The following FOXP2 variants were observed in gnomAD, a reference collection of about 807,000 sequenced individuals.
FOXP2 encodes forkhead box P2.
In FOXP2, 12 loss-of-function variants were observed where a neutral mutation model predicts 115.8. The observed-to-expected ratio is 0.10, with a 90% CI of 0.07 to 0.17. FOXP2 has a LOEUF of 0.17. Ranked by LOEUF, FOXP2 falls within the 10% of genes least tolerant of loss-of-function variation. FOXP2 has a pLI of 1.00. For missense variants in FOXP2, 629 were observed against 843.5 expected (o/e 0.75, Z 3.15); for synonymous variants, 328 against 297.7 (o/e 1.10, Z -1.05).
At chr7:114,537,222 A>G (rs1305006958) in intron 3 of FOXP2, among the ~76,000 whole-genome samples, 1 of 151,548 alleles carries the variant, frequency 6.6e-6, no homozygotes, top group Non-Finnish European at 1.5e-5. Context: ...GTTTAACCAA[A>G]CATTCATAAT....
At chr7:114,333,045 C>T (rs567844751) in intron 2 of FOXP2, among the ~76,000 whole-genome samples, 20 of 151,178 alleles carry the variant, frequency 1.3e-4, no homozygotes, top group African/African-American at 4.4e-4. Flanking sequence ...TACCACAAAA[C>T]GAAACAGTCT....
chr7:114,300,164 CTTA>C (rs1796844832), intron 2 of FOXP2, among the ~76,000 whole-genome samples: 1 of 151,928 alleles, frequency 6.6e-6, no homozygotes, highest in South Asian at 2.1e-4. Flanking sequence ...TTCTCTGGTT[CTTA>C]TTGTTATACT....
Position 114,642,520 on chromosome 7 carries a change from T to A in FOXP2, c.886T>A (p.Ser296Thr), listed in dbSNP as rs766956626. Reference protein sequence around the residue: ...HGGLDLTTNNSSSTTSSNTSK... With the variant: ...HGGLDLTTNNTSSTTSSNTSK... ...AGGGCTAGACCTCACTACTAACAAT[T>A]CCTCCTCGACTACCTCCTCCAACAC... is the stretch of plus-strand genomic sequence containing the variant. The change falls in exon 7 of 17, where the codon TCC becomes ACC. Residue 296 changes from serine to threonine, a missense_variant. Physicochemically the swap from Ser to Thr is moderately conservative, Grantham distance 58. This residue lies in a region of FOXP2 where 92 missense variants were observed against 80.1 expected (regional missense o/e 1.15). Transcript: ENST00000350908. 1 of 1,613,814 alleles carries A rather than the reference T, an allele frequency of 6.2e-7. No individual in the cohort carries two copies. Among genetic ancestry groups the A allele is most frequent in the South Asian group, 1.1e-5 (1 of 91,076 alleles).
At chr7:114,223,000 A>G (rs989707871) in intron 1 of FOXP2, among the ~76,000 whole-genome samples, 2 of 152,144 alleles carry the variant, frequency 1.3e-5, no homozygotes, top group African/African-American at 4.8e-5. Context: ...TTACTTATCT[A>G]TTTTATTGTT....
chr7:114,495,639 G>A (rs1797288095), intron 2 of FOXP2, among the ~76,000 whole-genome samples: 1 of 151,358 alleles, frequency 6.6e-6, no homozygotes, highest in African/African-American at 2.4e-5. Flanking sequence ...CTGAGCAGCT[G>A]GGATTACAGG....
intron 3 of FOXP2, among the ~76,000 whole-genome samples, chr7:114,542,860 C>G (rs11765272): frequency 0.095 from 14,392 of 150,930 alleles, 732 homozygotes; most frequent in Middle Eastern, 0.16. Context: ...GCAAGATTTC[C>G]TCTCACTGCA....
chr7:114,252,275 A>G (rs1045926985), intron 1 of FOXP2, among the ~76,000 whole-genome samples: 5 of 152,146 alleles, frequency 3.3e-5, no homozygotes, highest in African/African-American at 1.2e-4. Context: ...TGTGTCTGCC[A>G]GGCTTTGGTA....
chr7:114,484,637 A>G (rs769490602), intron 2 of FOXP2, among the ~76,000 whole-genome samples: 2 of 151,964 alleles, frequency 1.3e-5, no homozygotes, highest in Non-Finnish European at 2.9e-5. Context: ...TAAAATTAAT[A>G]TAGAAGGTCT....
chr7:114,454,469 C>T (rs972742187), intron 2 of FOXP2, among the ~76,000 whole-genome samples: 7 of 151,774 alleles, frequency 4.6e-5, no homozygotes, highest in African/African-American at 1.7e-4. Flanking sequence ...GGCGATTCCT[C>T]AGGGATCTAG....
chr7:114,601,704 T>G (rs574276101), intron 3 of FOXP2, among the ~76,000 whole-genome samples: 19 of 152,244 alleles, frequency 1.2e-4, no homozygotes, highest in Admixed American at 3.9e-4. Flanking sequence ...GTTTAAAATA[T>G]ATTTTAATTT....
intron 2 of FOXP2, chr7:114,297,017 G>A (rs952354880): frequency 1.9e-5 from 5 of 262,288 alleles, no homozygotes; most frequent in Non-Finnish European, 3.8e-5. Flanking sequence ...CACAGGTGAT[G>A]ATTTATGCTT....
At chr7:114,353,727 C>T (rs1297314254) in intron 2 of FOXP2, among the ~76,000 whole-genome samples, 6 of 152,066 alleles carry the variant, frequency 3.9e-5, no homozygotes, top group Non-Finnish European at 7.4e-5. Flanking sequence ...TCTACTCCTC[C>T]TCTCTACTGT....
At chr7:114,478,470 G>A (rs1201555657) in intron 2 of FOXP2, among the ~76,000 whole-genome samples, 1 of 151,790 alleles carries the variant, frequency 6.6e-6, no homozygotes, top group East Asian at 1.9e-4. Context: ...GAGAACCAAA[G>A]GACTTGGTCT....
intron 2 of FOXP2, among the ~76,000 whole-genome samples, chr7:114,470,019 A>G (rs1037499565): frequency 2.0e-5 from 3 of 152,198 alleles, no homozygotes; most frequent in African/African-American, 7.2e-5. Context: ...CTAGGAGTTT[A>G]TAGGTAAAAT....
At chr7:114,188,165 C>A (rs1005642706) in intron 1 of FOXP2, among the ~76,000 whole-genome samples, 55 of 152,298 alleles carry the variant, frequency 3.6e-4, no homozygotes, top group African/African-American at 1.3e-3. Flanking sequence ...AGTCATGGTG[C>A]TCTACTAAAA....
rs575066334 is a variant in FOXP2 at position 114,397,982 on chromosome 7, GT to G, written c.-10-28510del. Among the ~76,000 whole-genome samples the G allele has an allele frequency of 4.6e-3, 694 of 150,052 alleles. 5 individuals are homozygous for G. Among genetic ancestry groups the G allele is most frequent in the Middle Eastern group, 0.01 (3 of 290 alleles). Reference sequence around the variant, plus strand: ...TGAGAAGAGAGAAATCGAAGATTAAGTTTTTTTTTTCTTTTTTTCTCTCTTG... The same window carrying G: ...TGAGAAGAGAGAAATCGAAGATTAAGTTTTTTTTTCTTTTTTTCTCTCTTG... On this transcript the variant is annotated intron_variant, in intron 2 of 17. Coordinates refer to the FOXP2 transcript ENST00000634411.
intron 1 of FOXP2, among the ~76,000 whole-genome samples, chr7:114,136,583 T>G (rs1375729508): frequency 6.6e-6 from 1 of 151,942 alleles, no homozygotes; most frequent in Non-Finnish European, 1.5e-5. Context: ...TGGACTATGG[T>G]CTTTTGAGGA....
chr7:114,130,018 C>G (rs1225040344), intron 1 of FOXP2, among the ~76,000 whole-genome samples: 1 of 152,016 alleles, frequency 6.6e-6, no homozygotes, highest in East Asian at 1.9e-4. Context: ...ATTGTTTAAA[C>G]TTTTAAAAAG....
intron 2 of FOXP2, among the ~76,000 whole-genome samples, chr7:114,350,967 C>G (rs978406488): frequency 6.6e-6 from 1 of 152,094 alleles, no homozygotes; most frequent in African/African-American, 2.4e-5. Context: ...CTCTAGACTA[C>G]TTAGAGTGCC....
Sources: allele counts gnomAD v4.1 joint callset (sites outside exome capture counted in the v4.1 genomes callset), GRCh38; gene constraint gnomAD v4.1.1; regional missense constraint gnomAD v4.1.1; transcripts MANE v1.5; gene names NCBI Gene and HGNC (gene_info 2026-07-23, HGNC 2026-07-21).